SIN3A: variants seen among roughly 807,000 people sequenced by gnomAD.
The protein encoded by SIN3A is SIN3 transcription regulator family member A.
In SIN3A, 14 loss-of-function variants were observed where a neutral mutation model predicts 146.1. That is an observed-to-expected ratio of 0.10 (90% CI 0.06 to 0.15). The LOEUF (loss-of-function observed/expected upper bound fraction) is 0.15, where lower values mean the gene tolerates loss of function less well. Ranked by LOEUF, SIN3A falls within the 10% of genes least tolerant of loss-of-function variation. The pLI is 1.00. For missense variants in SIN3A, 1,028 were observed against 1,576.0 expected, an observed-to-expected ratio of 0.65 and a Z score of 5.89; for synonymous variants, 572 against 572.0, an observed-to-expected ratio of 1.00 and a Z score of 0.00.
chr15:75,396,535 A>C, intron 12 of SIN3A, 39 bp from the exon 13 acceptor site: 2 of 1,413,680 alleles, frequency 1.4e-6, no homozygotes, highest in Non-Finnish European at 2.0e-6. Context: ...TCAGGACCCA[A>C]ATCAAAATAG....
intron 1 of SIN3A, among the ~76,000 whole-genome samples, chr15:75,445,759 G>GAAAAAAAAAAAAAAAAAAAAA (rs774883850): frequency 1.2e-5 from 1 of 86,378 alleles, no homozygotes; most frequent in African/African-American, 4.2e-5. Flanking sequence ...TCAAAAAAAA[G>GAAAAAAAAAAAAAAAAAAAAA]AAAAAAAAAA....
intron 18 of SIN3A, 32 bp downstream of exon 18, chr15:75,381,581 G>T: frequency 6.5e-7 from 1 of 1,540,370 alleles, no homozygotes; most frequent in Non-Finnish European, 9.0e-7. Flanking sequence ...GCTCTGCTTG[G>T]CACCTGGGGT....
chr15:75,447,739 T>C (rs2074332628), intron 1 of SIN3A: 1 of 152,150 alleles, frequency 6.6e-6, no homozygotes, highest in South Asian at 2.1e-4. Context: ...TCAGCAAGCC[T>C]AGCCCTGGAG....
chr15:75,422,297 T>C lies in SIN3A; in HGVS notation c.366+350A>G, dbSNP rs1200817983. 4 of 551,904 alleles carry C rather than the reference T, an allele frequency of 7.2e-6. No homozygotes were observed. In the East Asian group the frequency reaches 1.2e-4, roughly 16 times the overall value. 34.2% of individuals were successfully genotyped at this position (551,904 alleles called of 1,614,324 possible). A position where few individuals can be genotyped will look rare whatever the true frequency, so the allele number is the denominator to read the frequency against. ...GATATATTACTGGGCCAATTTACTG[T>C]ACTAACCTGTAGCCAATCATATATG... is the stretch of plus-strand genomic sequence containing the variant. On this transcript the variant is annotated intron_variant, in intron 3 of 20. Coordinates refer to ENST00000394947, the MANE Select transcript of SIN3A (RefSeq NM_001145358.2).
chr15:75,422,966 A>G, intron 2 of SIN3A, 143 bp from the exon 3 acceptor site: 1 of 753,492 alleles, frequency 1.3e-6, no homozygotes, highest in South Asian at 1.8e-5. Context: ...CACCTATCTC[A>G]CCTACATAGG....
intron 6 of SIN3A, among the ~76,000 whole-genome samples, chr15:75,411,201 G>A (rs1349639333): frequency 6.6e-6 from 1 of 152,018 alleles, no homozygotes; most frequent in Non-Finnish European, 1.5e-5. Context: ...GGTGGGCGGA[G>A]CCTGTAATCC....
At chr15:75,449,456 T>C (rs894759143) in intron 1 of SIN3A, among the ~76,000 whole-genome samples, 1 of 152,184 alleles carries the variant, frequency 6.6e-6, no homozygotes, top group Non-Finnish European at 1.5e-5. Context: ...GTGAAAAACA[T>C]TGAAATAATT....
chr15:75,425,046 C>T (rs530192208), intron 2 of SIN3A, among the ~76,000 whole-genome samples: 376 of 152,154 alleles, frequency 2.5e-3, no homozygotes, highest in Non-Finnish European at 3.8e-3. Context: ...AAGACCCTGT[C>T]TCAAAAAAAT....
Position 75,381,490 on chromosome 15 carries a change from A to T in SIN3A, c.3288+123T>A, listed in dbSNP as rs2072968139. 5 of 685,816 alleles carry T rather than the reference A, an allele frequency of 7.3e-6. 1 individual carries two copies. In the South Asian group the frequency reaches 9.4e-5, roughly 13 times the overall value. The allele number at this position is 685,816 out of a possible 1,614,324, so 42.5% of individuals were successfully genotyped here. A position where few individuals can be genotyped will look rare whatever the true frequency, so the allele number is the denominator to read the frequency against. On this transcript the variant is annotated intron_variant, in intron 18 of 20. Coordinates refer to ENST00000394947, the MANE Select transcript of SIN3A (RefSeq NM_001145358.2). The stretch of plus-strand genomic sequence containing the variant: ...GGATTGACTTGTACTTTAAGCATCC[A>T]GGTCCTGACCCTTAAACAGGCCTGA...
At chr15:75,375,619 G>T (rs375053575) in intron 20 of SIN3A, 46 bp downstream of exon 20, 10 of 1,486,738 alleles carry the variant, frequency 6.7e-6, no homozygotes, top group Non-Finnish European at 8.5e-6. Context: ...CCTGGTCCTA[G>T]CTAGGGTGGG....
chr15:75,444,395 C>T (rs1379214859), intron 1 of SIN3A, among the ~76,000 whole-genome samples: 3 of 151,932 alleles, frequency 2.0e-5, no homozygotes, highest in South Asian at 2.1e-4. Context: ...GAGCCAAGAT[C>T]GCGCTACTGC....
chr15:75,448,109 T>G (rs2141637755), intron 1 of SIN3A: 1 of 148,874 alleles, frequency 6.7e-6, no homozygotes, highest in Non-Finnish European at 1.5e-5. Context: ...GTCCAGAAGA[T>G]CAACACTGCA....
At chr15:75,383,569 C>G (rs1449887973) in intron 17 of SIN3A, among the ~76,000 whole-genome samples, 1 of 150,742 alleles carries the variant, frequency 6.6e-6, no homozygotes, top group African/African-American at 2.4e-5. Flanking sequence ...CGCTCTGTCT[C>G]CCAGGCTGGA....
chr15:75,380,677 G>C lies in SIN3A; in HGVS notation c.3335C>G (p.Ser1112Trp), dbSNP rs914298009. Residue 1112 changes from serine to tryptophan, a missense_variant, in exon 19 of 21, where the codon TCG becomes TGG. Physicochemically the swap from Ser to Trp is radical, Grantham distance 177. This residue lies in a region of SIN3A where 488 missense variants were observed against 690.2 expected (regional missense o/e 0.71). Transcript: ENST00000394947. Reference sequence around the variant, plus strand: ...TGCTAGATGTTCACGAAGCTCAGGCGAGGTAGTATCTGAATTCATGTATCG... The same window carrying C: ...TGCTAGATGTTCACGAAGCTCAGGCCAGGTAGTATCTGAATTCATGTATCG... ...VERYMNSDTTSPELREHLAQK... is the reference protein window; with the variant it reads ...VERYMNSDTTWPELREHLAQK... The C allele has an allele frequency of 6.2e-7, 1 of 1,613,956 alleles. No homozygotes were observed. The highest frequency in any genetic ancestry group is 1.3e-5 in the African/African-American group (1 of 74,916).
At chr15:75,403,837 C>T (rs923832578) in intron 9 of SIN3A, among the ~76,000 whole-genome samples, 1 of 152,180 alleles carries the variant, frequency 6.6e-6, no homozygotes, top group Non-Finnish European at 1.5e-5. Context: ...TGAGCCACTG[C>T]GTCCGGCCTG....
intron 1 of SIN3A, among the ~76,000 whole-genome samples, chr15:75,435,583 A>AGTT (rs1245828045): frequency 6.6e-6 from 1 of 151,948 alleles, no homozygotes; most frequent in Non-Finnish European, 1.5e-5. Flanking sequence ...CTGTAATCCC[A>AGTT]GTTACTCAGG....
chr15:75,390,645 T>C (rs1286219941), intron 15 of SIN3A, among the ~76,000 whole-genome samples: 1 of 152,250 alleles, frequency 6.6e-6, no homozygotes, highest in East Asian at 1.9e-4. Flanking sequence ...GTACTGGTTA[T>C]GTTTCGTTTC....
chr15:75,451,105 G>A (rs965585172), intron 1 of SIN3A, among the ~76,000 whole-genome samples: 1 of 149,630 alleles, frequency 6.7e-6, no homozygotes, highest in Non-Finnish European at 1.5e-5. Context: ...GGGGGTGGTC[G>A]GCCGCAAACT....
chr15:75,403,545 CTTTTTT>C (rs1187541579), intron 9 of SIN3A, among the ~76,000 whole-genome samples: 2 of 143,996 alleles, frequency 1.4e-5, no homozygotes, highest in Non-Finnish European at 3.1e-5. Flanking sequence ...GCCTCTTTTT[CTTTTTT>C]TTTTTTGAGA....
Sources: gnomAD v4.1 joint callset for allele counts (sites outside exome capture counted in the v4.1 genomes callset) on GRCh38, gnomAD v4.1.1 for gene constraint, gnomAD v4.1.1 regional missense constraint, MANE v1.5 for transcripts, NCBI Gene and HGNC (gene_info 2026-07-23, HGNC 2026-07-21) for gene names.